The following TTC27 variants were observed in gnomAD, a reference collection of about 807,000 sequenced individuals.
TTC27 encodes tetratricopeptide repeat domain 27, also known as tetratricopeptide repeat protein 27.
A neutral mutation model predicts 115.9 loss-of-function variants in TTC27; 79 were observed. The ratio of observed to expected loss-of-function variants is 0.68; its 90% CI spans 0.57 to 0.82. The LOEUF is 0.82. Among genes scored for constraint, TTC27 ranks in the 40% least tolerant of loss-of-function variants. The pLI is 0.00. For synonymous variants in TTC27, 401 were observed against 356.0 expected (o/e 1.13, Z -1.42); for missense variants, 1,054 against 993.1 (o/e 1.06, Z -0.82).
intron 5 of TTC27, 43 bp downstream of exon 5, chr2:32,650,276 T>A: frequency 6.8e-7 from 1 of 1,460,722 alleles, no homozygotes; most frequent in Non-Finnish European, 9.5e-7. Context: ...GTAGCTCAGT[T>A]CTAATTACTT....
intron 8 of TTC27, among the ~76,000 whole-genome samples, chr2:32,673,188 T>A (rs1276239467): frequency 6.6e-6 from 1 of 151,778 alleles, no homozygotes; most frequent in Non-Finnish European, 1.5e-5. Flanking sequence ...TGAGTTTGTC[T>A]GATTTTTTTT....
intron 19 of TTC27, among the ~76,000 whole-genome samples, chr2:32,820,231 A>T (rs2148055738): frequency 6.6e-6 from 1 of 152,342 alleles, no homozygotes; most frequent in African/African-American, 2.4e-5. Context: ...TTGGCTCAGC[A>T]GGCAGTTCCT....
intron 17 of TTC27, among the ~76,000 whole-genome samples, chr2:32,812,009 C>T (rs1369493035): frequency 6.6e-6 from 1 of 152,146 alleles, no homozygotes; most frequent in African/African-American, 2.4e-5. Context: ...CTTTCATGTC[C>T]TTCCATTTCT....
At chr2:32,628,401 G>A in intron 1 of TTC27, 21 bp downstream of exon 1, 2 of 1,555,966 alleles carry the variant, frequency 1.3e-6, no homozygotes, top group Non-Finnish European at 1.7e-6. Context: ...CACCTACCGG[G>A]CCTTAGGCTA....
chr2:32,738,759 A>G (rs1668530283), intron 12 of TTC27, among the ~76,000 whole-genome samples: 1 of 152,256 alleles, frequency 6.6e-6, no homozygotes, highest in South Asian at 2.1e-4. Context: ...AACATTTGCC[A>G]TCAGATAAAT....
At chr2:32,648,021 A>G (rs1309701487) in intron 4 of TTC27, among the ~76,000 whole-genome samples, 3 of 152,190 alleles carry the variant, frequency 2.0e-5, no homozygotes, top group African/African-American at 7.2e-5. Context: ...ACACACATGC[A>G]CATACATAGA....
chr2:32,739,033 A>G (rs1342939951), intron 12 of TTC27, among the ~76,000 whole-genome samples: 2 of 151,730 alleles, frequency 1.3e-5, no homozygotes, highest in Admixed American at 6.5e-5. Flanking sequence ...AGTTTGTCTT[A>G]CAACTGATAG....
intron 13 of TTC27, among the ~76,000 whole-genome samples, chr2:32,766,961 T>C (rs1669650083): frequency 6.6e-6 from 1 of 152,102 alleles, no homozygotes. Flanking sequence ...AATTTTTGTA[T>C]TTTTTGTAGA....
chr2:32,713,287 A>T (rs1667643951), intron 10 of TTC27, among the ~76,000 whole-genome samples: 1 of 152,222 alleles, frequency 6.6e-6, no homozygotes, highest in Admixed American at 6.5e-5. Flanking sequence ...AAGCAAATTA[A>T]TGGAAACTAC....
chr2:32,697,778 G>A (rs1313973510), intron 9 of TTC27, among the ~76,000 whole-genome samples: 1 of 151,642 alleles, frequency 6.6e-6, no homozygotes, highest in African/African-American at 2.4e-5. Flanking sequence ...TTTGGAGACA[G>A]TTTCACTCTG....
chr2:32,735,648 T>G (rs1482518466), intron 11 of TTC27, among the ~76,000 whole-genome samples: 1 of 146,492 alleles, frequency 6.8e-6, no homozygotes, highest in Non-Finnish European at 1.5e-5. Flanking sequence ...AAAAAGAGAA[T>G]TAGTCTCTAC....
Position 32,811,125 on chromosome 2 carries a change from A to T in TTC27, c.2100A>T (p.Arg700Ser). 6.2e-7 allele frequency: 1 copy of T among 1,614,188 alleles called. No individual in the cohort carries two copies. Among genetic ancestry groups the T allele is most frequent in the Non-Finnish European group, 8.5e-7 (1 of 1,180,038 alleles). ...LKGKLQELFGRVTSRVTNDGE... is the reference protein window; with the variant it reads ...LKGKLQELFGSVTSRVTNDGE... ...GAAAGCTGCAGGAGTTATTTGGCAG[A>T]GTGACTTCAAGAGTGACAAATGATG... The change falls in exon 17 of 20, where the codon AGA becomes AGT. Residue 700 changes from arginine to serine, a missense_variant. Physicochemically the swap from Arg to Ser is moderately radical, Grantham distance 110. Transcript: ENST00000317907.
intron 7 of TTC27, among the ~76,000 whole-genome samples, chr2:32,667,968 G>A (rs1303541772): frequency 1.3e-5 from 2 of 151,350 alleles, no homozygotes; most frequent in Non-Finnish European, 2.9e-5. Context: ...GTGGGTGCAC[G>A]AGGTCAGGAG....
At chr2:32,649,915 A>T (rs1665023842) in intron 4 of TTC27, among the ~76,000 whole-genome samples, 4 of 152,132 alleles carry the variant, frequency 2.6e-5, no homozygotes, top group Non-Finnish European at 5.9e-5. Context: ...CTAAAAAAAA[A>T]ATACAGGTTT....
At chr2:32,675,423 T>C (rs1044372410) in intron 8 of TTC27, among the ~76,000 whole-genome samples, 1 of 152,132 alleles carries the variant, frequency 6.6e-6, no homozygotes, top group Non-Finnish European at 1.5e-5. Flanking sequence ...ATCCAGAAAA[T>C]GCTCATCTTT....
At chr2:32,732,249 T>G (rs1417439195) in intron 10 of TTC27, among the ~76,000 whole-genome samples, 1 of 152,236 alleles carries the variant, frequency 6.6e-6, no homozygotes, top group Non-Finnish European at 1.5e-5. Flanking sequence ...CTTTTTGCTA[T>G]TAAGTTTCTA....
chr2:32,786,920 C>G (rs1015954330), intron 15 of TTC27, 64 bp from the exon 16 acceptor site: 4 of 1,345,796 alleles, frequency 3.0e-6, no homozygotes, highest in Middle Eastern at 1.9e-4. Context: ...ATACATTTAG[C>G]TATGCTTTAT....
chr2:32,818,640 C>G (rs1553324509), intron 19 of TTC27, among the ~76,000 whole-genome samples: 1 of 152,172 alleles, frequency 6.6e-6, no homozygotes, highest in Non-Finnish European at 1.5e-5. Context: ...CCTCTGGAAG[C>G]AAAATTTGGA....
chr2:32,652,761 G>T lies in TTC27; in HGVS notation c.640+2528G>T, dbSNP rs545263790. Among the ~76,000 whole-genome samples, 7 of 152,262 alleles carry T rather than the reference G, an allele frequency of 4.6e-5. No homozygotes were observed. In the South Asian group the frequency reaches 1.4e-3, roughly 32 times the overall value. On this transcript the variant is annotated intron_variant, in intron 5 of 19. Coordinates refer to ENST00000317907, the MANE Select transcript of TTC27 (RefSeq NM_017735.5). Reference sequence around the variant, plus strand: ...TTTTGTTCTGGGATTTGATCCAAATGTAATAACTGAAATACGATTCAGCGT... The same window carrying T: ...TTTTGTTCTGGGATTTGATCCAAATTTAATAACTGAAATACGATTCAGCGT...
Sources: allele counts gnomAD v4.1 joint callset (sites outside exome capture counted in the v4.1 genomes callset), GRCh38; gene constraint gnomAD v4.1.1; transcripts MANE v1.5; gene names NCBI Gene and HGNC (gene_info 2026-07-23, HGNC 2026-07-21).